CTNND2: variants seen among roughly 807,000 people sequenced by gnomAD.
CTNND2 encodes the protein catenin delta-2.
A neutral mutation model predicts 144.4 loss-of-function variants in CTNND2; 22 were observed. That is an observed-to-expected ratio of 0.15 (90% CI 0.11 to 0.22). CTNND2 has a LOEUF of 0.22. Ranked by LOEUF, CTNND2 falls within the 10% of genes least tolerant of loss-of-function variation. The probability of loss-of-function intolerance (pLI) is 1.00; values close to 1 mark genes in which losing one functional copy is unlikely to be tolerated. For synonymous variants in CTNND2, 751 were observed against 695.6 expected (o/e 1.08, Z -1.25); for missense variants, 1,353 against 1,618.8 (o/e 0.84, Z 2.82).
chr5:11,772,764 G>T (rs1790023048), intron 1 of CTNND2, among the ~76,000 whole-genome samples: 1 of 152,160 alleles, frequency 6.6e-6, no homozygotes, highest in South Asian at 2.1e-4. Flanking sequence ...CACGGTGGGG[G>T]AGTCCGGAAA....
At position 11,216,970 on chromosome 5, in the gene CTNND2, C is replaced by T. The variant is rs191412066; in HGVS notation, c.1762-17309G>A. Among the ~76,000 whole-genome samples, 428 of 152,200 alleles carry T rather than the reference C, an allele frequency of 2.8e-3. 2 individuals carry two copies. The highest frequency in any genetic ancestry group is 6.5e-3 in the African/African-American group (269 of 41,518). ...CTGAAGGAGGTGGATCTATATTGCC[C>T]GCCTAAATATAAGTCTGATAGGACC... is the stretch of plus-strand genomic sequence containing the variant. On this transcript the variant is annotated intron_variant, in intron 10 of 21. Transcript: ENST00000304623.
chr5:11,185,642 CA>C (rs985355485), intron 11 of CTNND2, among the ~76,000 whole-genome samples: 3 of 152,152 alleles, frequency 2.0e-5, no homozygotes, highest in African/African-American at 7.2e-5. Flanking sequence ...AAGAGTTTTG[CA>C]TGTGCAAAAC....
chr5:11,903,429 AC>A lies in CTNND2; in HGVS notation c.37+387del, dbSNP rs1738069311. ...AAAAGACTGGAGGGAAGTCCTCCCC[AC>A]CCCCACCCCGTCTCCTCCCGTATAT... is the stretch of plus-strand genomic sequence containing the variant. On this transcript the variant is annotated intron_variant, in intron 1 of 21. Coordinates refer to ENST00000304623, the MANE Select transcript of CTNND2 (RefSeq NM_001332.4). This position sits in a 1 kb window ranked among gnomAD's most constrained non-coding sequence, Gnocchi z 5.4. The A allele has an allele frequency of 2.1e-6, 2 of 942,788 alleles. No individual in the cohort carries two copies. The highest frequency in any genetic ancestry group is 4.5e-5 in the South Asian group (1 of 22,136). 58.4% of individuals were successfully genotyped at this position (942,788 alleles called of 1,614,324 possible). A position where few individuals can be genotyped will look rare whatever the true frequency, so the allele number is the denominator to read the frequency against.
At chr5:11,581,757 C>G (rs1581550406) in intron 2 of CTNND2, among the ~76,000 whole-genome samples, 2 of 152,246 alleles carry the variant, frequency 1.3e-5, no homozygotes, top group African/African-American at 4.8e-5. Flanking sequence ...TTACCTATTT[C>G]TCATATCTCA....
chr5:11,652,091 C>A (rs540818051), intron 2 of CTNND2, among the ~76,000 whole-genome samples: 2 of 152,210 alleles, frequency 1.3e-5, no homozygotes, highest in African/African-American at 4.8e-5. Flanking sequence ...TATGTCCCTG[C>A]ACAAATCTTA....
intron 18 of CTNND2, among the ~76,000 whole-genome samples, chr5:11,005,469 GTAATATTGTACC>G (rs1466984294): frequency 1.3e-5 from 2 of 152,208 alleles, no homozygotes; most frequent in Non-Finnish European, 2.9e-5. Context: ...CAATTAGGCA[GTAATATTGTACC>G]AGGACCAGGG....
intron 9 of CTNND2, among the ~76,000 whole-genome samples, chr5:11,298,769 A>G (rs79077736): frequency 1.1e-3 from 171 of 152,288 alleles, no homozygotes; most frequent in African/African-American, 3.8e-3. Flanking sequence ...CTACAATCCC[A>G]GACTCCACCA....
chr5:11,740,844 G>T (rs1016777541), intron 1 of CTNND2, among the ~76,000 whole-genome samples: 1 of 151,936 alleles, frequency 6.6e-6, no homozygotes, highest in African/African-American at 2.4e-5. Context: ...AAATTTACAA[G>T]AAAAAAACAA....
chr5:11,033,838 G>A lies in CTNND2; in HGVS notation c.2789-10859C>T, dbSNP rs991895895. Reference sequence around the variant, plus strand: ...GAGTACGACTGTCTCAACAACAACAGCAACAACAACAACAACATCTTTCAC... The same window carrying A: ...GAGTACGACTGTCTCAACAACAACAACAACAACAACAACAACATCTTTCAC... On this transcript the variant is annotated intron_variant, in intron 16 of 21. Transcript: ENST00000304623. 2.0e-5 allele frequency among the ~76,000 whole-genome samples: 3 copies of A among 151,572 alleles called. No individual in the cohort carries two copies. The East Asian group carries it at 5.8e-4, about 29-fold the overall frequency.
chr5:11,377,230 A>G (rs934311949), intron 7 of CTNND2, among the ~76,000 whole-genome samples: 4 of 149,852 alleles, frequency 2.7e-5, no homozygotes, highest in Admixed American at 1.3e-4. Context: ...TTTTTTTTGT[A>G]TTTTTTAGTA....
At chr5:11,013,098 C>T (rs554201558) in intron 18 of CTNND2, among the ~76,000 whole-genome samples, 5 of 152,266 alleles carry the variant, frequency 3.3e-5, no homozygotes, top group African/African-American at 7.2e-5. Flanking sequence ...AACCCTCATT[C>T]GAGAGGTGCC....
chr5:11,451,410 A>C (rs1765305833), intron 3 of CTNND2, among the ~76,000 whole-genome samples: 1 of 152,228 alleles, frequency 6.6e-6, no homozygotes, highest in Non-Finnish European at 1.5e-5. Context: ...CCAAAGACAC[A>C]AATGTGCAAC....
intron 10 of CTNND2, among the ~76,000 whole-genome samples, chr5:11,231,144 C>T (rs1162992764): frequency 6.6e-6 from 1 of 152,098 alleles, no homozygotes; most frequent in African/African-American, 2.4e-5. Context: ...CTTTCTCCTG[C>T]CCCCGTGAAA....
chr5:11,107,268 G>T (rs1273262247), intron 14 of CTNND2, among the ~76,000 whole-genome samples: 1 of 152,104 alleles, frequency 6.6e-6, no homozygotes. Flanking sequence ...TGTATACCTA[G>T]ATATTTATCA....
chr5:11,022,241 G>C (rs1292135800), intron 17 of CTNND2, among the ~76,000 whole-genome samples: 1 of 152,154 alleles, frequency 6.6e-6, no homozygotes, highest in Non-Finnish European at 1.5e-5. Flanking sequence ...GTTTAGATTG[G>C]AAAGTATAGG....
intron 10 of CTNND2, among the ~76,000 whole-genome samples, chr5:11,226,865 C>G (rs569620165): frequency 1.3e-5 from 2 of 152,308 alleles, no homozygotes; most frequent in South Asian, 4.2e-4. Context: ...AAAAACAGAG[C>G]CTGCAACTTT....
Position 11,629,454 on chromosome 5 carries a change from T to C in CTNND2, c.175-64398A>G, listed in dbSNP as rs562068810. 6.1e-4 allele frequency among the ~76,000 whole-genome samples: 93 copies of C among 152,116 alleles called. 1 individual carries two copies. Among genetic ancestry groups the C allele is most frequent in the Non-Finnish European group, 9.0e-4 (61 of 68,028 alleles). Reference sequence around the variant, plus strand: ...TTCTCCAGGTCACTAAAAGTGATAATAGTATTTGTTTAGAAAGAATGTATT... The same window carrying C: ...TTCTCCAGGTCACTAAAAGTGATAACAGTATTTGTTTAGAAAGAATGTATT... On this transcript the variant is annotated intron_variant, in intron 2 of 21. Transcript: ENST00000304623.
intron 2 of CTNND2, among the ~76,000 whole-genome samples, chr5:11,596,738 G>A (rs1402666800): frequency 2.0e-5 from 3 of 152,160 alleles, no homozygotes; most frequent in Non-Finnish European, 2.9e-5. Flanking sequence ...CAGATGCGTA[G>A]AGGGTAGTGG....
intron 6 of CTNND2, 41 bp from the exon 7 acceptor site, chr5:11,385,270 G>GAGA: frequency 1.9e-6 from 2 of 1,053,182 alleles, no homozygotes; most frequent in Middle Eastern, 4.4e-4. Context: ...CTTAGCGAGG[G>GAGA]AGAAGCACAC....
Sources: gnomAD v4.1 joint callset for allele counts (sites outside exome capture counted in the v4.1 genomes callset) on GRCh38, gnomAD v4.1.1 for gene constraint, Gnocchi (gnomAD v3.1) non-coding constraint, MANE v1.5 for transcripts, NCBI Gene and HGNC (gene_info 2026-07-23, HGNC 2026-07-21) for gene names.